Variants in AGTPBP1 observed in about 807,000 individuals in gnomAD.
AGTPBP1 encodes the protein cytosolic carboxypeptidase 1.
In AGTPBP1, 70 loss-of-function variants were observed where a neutral mutation model predicts 143.9. The ratio of observed to expected loss-of-function variants is 0.49; its 90% CI spans 0.40 to 0.59. The LOEUF is 0.59. Ranked by LOEUF, AGTPBP1 falls within the 20% of genes least tolerant of loss-of-function variation. The pLI is 0.00. For synonymous variants in AGTPBP1, 463 were observed against 500.2 expected (o/e 0.93, Z 0.99); for missense variants, 1,229 against 1,464.5 (o/e 0.84, Z 2.62).
chr9:85,643,188 C>T (rs542789707), intron 12 of AGTPBP1, among the ~76,000 whole-genome samples: 19 of 151,972 alleles, frequency 1.3e-4, no homozygotes, highest in African/African-American at 3.6e-4. Flanking sequence ...AGTATTCTGG[C>T]TACTCAAAAC....
intron 17 of AGTPBP1, among the ~76,000 whole-genome samples, chr9:85,603,890 ACT>A (rs2133355618): frequency 6.8e-6 from 1 of 147,712 alleles, no homozygotes; most frequent in Non-Finnish European, 1.5e-5. Flanking sequence ...ATGGGAAAAG[ACT>A]CTTCTGCATG....
At chr9:85,777,204 G>A in the AGTPBP1 span, among the ~76,000 whole-genome samples, 1 of 152,292 alleles carries the variant, frequency 6.6e-6, no homozygotes, top group South Asian at 2.1e-4. Flanking sequence ...AGTGAATAAG[G>A]CATTCTGTGA....
intron 2 of AGTPBP1, among the ~76,000 whole-genome samples, chr9:85,702,716 G>A (rs573944004): frequency 4.7e-5 from 7 of 148,904 alleles, no homozygotes; most frequent in African/African-American, 9.9e-5. Flanking sequence ...AATTTTCCTC[G>A]ATTGGTAACT....
chr9:85,722,613 G>A (rs191907768), intron 1 of AGTPBP1, among the ~76,000 whole-genome samples: 2 of 152,296 alleles, frequency 1.3e-5, no homozygotes, highest in Non-Finnish European at 2.9e-5. Context: ...CGATGGGTTA[G>A]AACATGCTCC....
the AGTPBP1 span, among the ~76,000 whole-genome samples, chr9:85,765,865 G>A: frequency 3.3e-5 from 5 of 152,180 alleles, no homozygotes; most frequent in Non-Finnish European, 5.9e-5. Context: ...ATTGATGAAA[G>A]GATTGACTTA....
chr9:85,644,405 T>C lies in AGTPBP1; in HGVS notation c.1186-1462A>G, dbSNP rs556886494. Among the ~76,000 whole-genome samples, 4 of 150,900 alleles carry C rather than the reference T, an allele frequency of 2.7e-5. No homozygotes were observed. In the South Asian group the frequency reaches 8.4e-4, roughly 32 times the overall value. ...TATTTGACACTATTTTGTGAAAATA[T>C]GGCCTTACATAGTGGCTATTTGGAG... On this transcript the variant is annotated intron_variant, in intron 12 of 25. Transcript: ENST00000357081.
At chr9:85,684,567 A>C (rs189996604) in intron 3 of AGTPBP1, among the ~76,000 whole-genome samples, 43 of 151,814 alleles carry the variant, frequency 2.8e-4, no homozygotes, top group Admixed American at 7.9e-4. Flanking sequence ...GAAGCTCCTC[A>C]AACAAGTACT....
chr9:85,563,088 C>T (rs1006923049), intron 25 of AGTPBP1, among the ~76,000 whole-genome samples: 2 of 152,226 alleles, frequency 1.3e-5, no homozygotes, highest in African/African-American at 2.4e-5. Flanking sequence ...GTCTCCAGAA[C>T]TGTAAGAAAT....
intron 8 of AGTPBP1, 72 bp downstream of exon 8, chr9:85,669,413 G>T: frequency 1.2e-6 from 1 of 827,810 alleles, no homozygotes; most frequent in South Asian, 1.8e-5. Context: ...CCTGCTCATT[G>T]TACATATCAA....
chr9:85,786,856 A>G, the AGTPBP1 span, among the ~76,000 whole-genome samples: 3 of 152,230 alleles, frequency 2.0e-5, no homozygotes, highest in Non-Finnish European at 4.4e-5. Flanking sequence ...TTTTCCAGGC[A>G]TATTTGAAGA....
intron 1 of AGTPBP1, among the ~76,000 whole-genome samples, chr9:85,718,421 G>C (rs567287841): frequency 1.3e-5 from 2 of 152,302 alleles, no homozygotes; most frequent in South Asian, 4.1e-4. Context: ...GATGACCAGT[G>C]ATAACGAGCA....
intron 23 of AGTPBP1, 152 bp downstream of exon 23, chr9:85,585,311 T>C: frequency 1.3e-6 from 1 of 752,660 alleles, no homozygotes; most frequent in Non-Finnish European, 1.9e-6. Flanking sequence ...AGATGAAAAA[T>C]ATAAACATGA....
upstream of AGTPBP1, among the ~76,000 whole-genome samples, chr9:85,745,656 TG>T (rs1824571254): frequency 6.6e-6 from 1 of 152,180 alleles, no homozygotes; most frequent in Non-Finnish European, 1.5e-5. Context: ...CAGTGGCAAA[TG>T]GTTTCCATGG....
At chr9:85,562,925 T>C (rs1826836908) in intron 25 of AGTPBP1, among the ~76,000 whole-genome samples, 2 of 152,250 alleles carry the variant, frequency 1.3e-5, no homozygotes, top group African/African-American at 2.4e-5. Flanking sequence ...CAGAGCCCTC[T>C]TGAATGGGAT....
chr9:85,665,138 G>GA (rs1209996454), intron 8 of AGTPBP1, among the ~76,000 whole-genome samples: 5 of 152,284 alleles, frequency 3.3e-5, no homozygotes, highest in Admixed American at 2.6e-4. Context: ...GACCTTATTG[G>GA]AAAACATGGT....
chr9:85,708,271 A>T (rs539749219), intron 2 of AGTPBP1, among the ~76,000 whole-genome samples: 61 of 151,936 alleles, frequency 4.0e-4, no homozygotes, highest in Non-Finnish European at 7.5e-4. Context: ...CTTAATAAAG[A>T]CCCTTATGAT....
intron 17 of AGTPBP1, among the ~76,000 whole-genome samples, chr9:85,613,218 A>G (rs1830421044): frequency 1.3e-5 from 2 of 152,074 alleles, no homozygotes; most frequent in Admixed American, 1.3e-4. Flanking sequence ...GTTGTAATCA[A>G]GAGAAAATTT....
intron 25 of AGTPBP1, 140 bp downstream of exon 25, chr9:85,575,175 C>A (rs1587661869): frequency 1.1e-5 from 6 of 528,326 alleles, no homozygotes; most frequent in Non-Finnish European, 1.5e-5. Flanking sequence ...TAAATTGGAA[C>A]AAATATTTGA....
At chr9:85,633,410 T>C (rs976145161) in intron 13 of AGTPBP1, 36 bp from the exon 14 acceptor site, 2 of 1,429,290 alleles carry the variant, frequency 1.4e-6, no homozygotes, top group South Asian at 1.5e-5. Context: ...CTTTTAACTG[T>C]AAATATTAAA....
Sources: gnomAD v4.1 joint callset for allele counts (sites outside exome capture counted in the v4.1 genomes callset) on GRCh38, gnomAD v4.1.1 for gene constraint, MANE v1.5 for transcripts, NCBI Gene and HGNC (gene_info 2026-07-23, HGNC 2026-07-21) for gene names.